SHROOM4: variants seen among roughly 807,000 people sequenced by gnomAD.
The protein encoded by SHROOM4 is protein Shroom4.
In SHROOM4, 17 loss-of-function variants were observed where a neutral mutation model predicts 80.3. The ratio of observed to expected loss-of-function variants is 0.21; its 90% confidence interval spans 0.14 to 0.32. SHROOM4 has a LOEUF of 0.32. Among genes scored for constraint, SHROOM4 ranks in the 10% least tolerant of loss-of-function variants. The pLI is 1.00. For synonymous variants in SHROOM4, 400 were observed against 437.5 expected (o/e 0.91, Z 1.07); for missense variants, 993 against 1,140.3 (o/e 0.87, Z 1.86).
In SHROOM4 at chrX:50,591,611, T is replaced by C; in HGVS notation, c.*5084A>G. On this transcript the variant is annotated 3_prime_UTR_variant, in exon 9 of 9. Coordinates refer to ENST00000376020, the MANE Select transcript of SHROOM4 (RefSeq NM_020717.5). ...TTTCAGTGTAAAAGTTTCGCACTTC[T>C]TTTGTTAAATTATTCCTAAGTACTT... 1 of 286,850 alleles carries C rather than the reference T, an allele frequency of 3.5e-6. No homozygotes were observed. 23.6% of individuals were successfully genotyped at this position (286,850 alleles called of 1,213,427 possible). A position where few individuals can be genotyped will look rare whatever the true frequency, so the allele number is the denominator to read the frequency against.
the SHROOM4 span, among the ~76,000 whole-genome samples, chrX:50,579,631 A>G: frequency 8.9e-6 from 1 of 111,849 alleles, no homozygotes; most frequent in African/African-American, 3.2e-5. Flanking sequence ...ACATTTCTGT[A>G]TATTTTCATA....
intron 5 of SHROOM4, among the ~76,000 whole-genome samples, chrX:50,618,337 T>G (rs1402688231): frequency 7.1e-4 from 5 of 7,073 alleles, no homozygotes; most frequent in Non-Finnish European, 1.0e-3. Flanking sequence ...CCTTCCTTCC[T>G]TCCTTCCTTC....
At chrX:50,738,173 G>C (rs1394614450) in intron 1 of SHROOM4, among the ~76,000 whole-genome samples, 1 of 110,783 alleles carries the variant, frequency 9.0e-6, no homozygotes, top group Non-Finnish European at 1.9e-5. Flanking sequence ...TTGATGGGAC[G>C]TATCTCAAAA....
At chrX:50,779,854 C>T (rs1557270480) in intron 1 of SHROOM4, among the ~76,000 whole-genome samples, 2 of 111,424 alleles carry the variant, frequency 1.8e-5, no homozygotes, top group Admixed American at 9.6e-5. Context: ...GAAAATAGTC[C>T]TCTTCCTGGA....
chrX:50,740,338 A>C (rs782440955), intron 1 of SHROOM4, among the ~76,000 whole-genome samples: 98 of 111,981 alleles, frequency 8.8e-4, no homozygotes, highest in Non-Finnish European at 1.6e-3. Flanking sequence ...ATTTAAAAAA[A>C]CTGTTATGAG....
At chrX:50,793,982 A>T (rs1260302863) in intron 1 of SHROOM4, among the ~76,000 whole-genome samples, 1 of 110,738 alleles carries the variant, frequency 9.0e-6, no homozygotes, top group Non-Finnish European at 1.9e-5. Context: ...AGTCTGATGA[A>T]ATATGTGAAG....
chrX:50,649,747 A>G (rs984836290), intron 2 of SHROOM4: 2 of 112,616 alleles, frequency 1.8e-5, no homozygotes, highest in Admixed American at 9.4e-5. Flanking sequence ...TTTTACTGCA[A>G]TTAGTGGTAA....
intron 7 of SHROOM4, among the ~76,000 whole-genome samples, chrX:50,598,833 G>GT (rs1174558839): frequency 6.9e-4 from 73 of 106,557 alleles, no homozygotes; most frequent in Admixed American, 1.1e-3. Flanking sequence ...CTGGCACTTT[G>GT]TTTTTTTTTT....
chrX:50,744,484 A>G (rs1048917779), intron 1 of SHROOM4, among the ~76,000 whole-genome samples: 3 of 111,691 alleles, frequency 2.7e-5, no homozygotes, highest in Non-Finnish European at 5.6e-5. Context: ...TTATTTGATG[A>G]GTTGTTATCA....
chrX:50,611,016 T>G (rs183841265), intron 5 of SHROOM4, among the ~76,000 whole-genome samples: 360 of 111,483 alleles, frequency 3.2e-3, no homozygotes, highest in African/African-American at 6.7e-3. Context: ...TGTATTTTTT[T>G]AATCAAGGGC....
At chrX:50,656,663 A>G (rs1932317320) in intron 2 of SHROOM4, among the ~76,000 whole-genome samples, 1 of 109,236 alleles carries the variant, frequency 9.2e-6, no homozygotes, top group African/African-American at 3.3e-5. Flanking sequence ...GTTTTGTAGT[A>G]TATTTGGGAT....
intron 1 of SHROOM4, among the ~76,000 whole-genome samples, chrX:50,702,221 A>C (rs999341135): frequency 1.8e-5 from 2 of 111,891 alleles, no homozygotes; most frequent in Non-Finnish European, 3.8e-5. Flanking sequence ...AAAAGACTTA[A>C]GTATTGGTGA....
At chrX:50,781,362 G>A (rs1056492449) in intron 1 of SHROOM4, among the ~76,000 whole-genome samples, 1 of 109,930 alleles carries the variant, frequency 9.1e-6, no homozygotes, top group Non-Finnish European at 1.9e-5. Flanking sequence ...TTACACTCAC[G>A]AAGGGAAAAC....
At chrX:50,738,466 G>A (rs1440370456) in intron 1 of SHROOM4, among the ~76,000 whole-genome samples, 3 of 111,679 alleles carry the variant, frequency 2.7e-5, no homozygotes, top group Non-Finnish European at 5.6e-5. Context: ...AAACTGATAA[G>A]CAACTTCAGC....
Position 50,707,694 on chromosome X carries a change from A to G in SHROOM4, c.118-11757T>C, listed in dbSNP as rs186387246. ...TGATGAAGCCTTCAGTGACACTCTC[A>G]TACAAATGCCAAAGGTTTTTTTTTT... On this transcript the variant is annotated intron_variant, in intron 1 of 8. Coordinates refer to ENST00000376020, the MANE Select transcript of SHROOM4 (RefSeq NM_020717.5). Among the ~76,000 whole-genome samples the G allele has an allele frequency of 1.4e-3, 144 of 102,807 alleles. 1 individual carries two copies. The highest frequency in any genetic ancestry group is 1.5e-3 in the Non-Finnish European group (75 of 51,212). 89.3% of individuals were successfully genotyped at this position (102,807 alleles called of 115,157 possible). A position where few individuals can be genotyped will look rare whatever the true frequency, so the allele number is the denominator to read the frequency against.
chrX:50,583,183 T>C (rs1928695400), downstream of SHROOM4, among the ~76,000 whole-genome samples: 2 of 110,500 alleles, frequency 1.8e-5, no homozygotes, highest in African/African-American at 6.6e-5. Context: ...CACCTGATCA[T>C]TGATCATGCA....
chrX:50,770,397 T>C (rs1336672944), intron 1 of SHROOM4, among the ~76,000 whole-genome samples: 5 of 111,733 alleles, frequency 4.5e-5, no homozygotes, highest in Non-Finnish European at 9.4e-5. Context: ...AAGACCTGGA[T>C]AGAAAGGTGA....
At chrX:50,749,724 T>C (rs1934862240) in intron 1 of SHROOM4, among the ~76,000 whole-genome samples, 1 of 111,876 alleles carries the variant, frequency 8.9e-6, no homozygotes, top group Non-Finnish European at 1.9e-5. Context: ...TTAAGAAAGA[T>C]AGTTTGTCAG....
intron 7 of SHROOM4, among the ~76,000 whole-genome samples, chrX:50,599,159 C>T (rs1557247292): frequency 9.0e-6 from 1 of 110,764 alleles, no homozygotes; most frequent in Admixed American, 9.6e-5. Flanking sequence ...CTTCCTGGGA[C>T]GATTTAATAA....
Sources: gnomAD v4.1 joint callset for allele counts (sites outside exome capture counted in the v4.1 genomes callset) on GRCh38, gnomAD v4.1.1 for gene constraint, MANE v1.5 for transcripts, NCBI Gene and HGNC (gene_info 2026-07-23, HGNC 2026-07-21) for gene names.